The following ODAD1 variants were observed in gnomAD, a reference collection of about 807,000 sequenced individuals.
ODAD1 encodes outer dynein arm docking complex subunit 1.
Under a neutral mutation model 67.2 loss-of-function variants are expected in ODAD1, and 49 were observed. The ratio of observed to expected loss-of-function variants is 0.73; its 90% CI spans 0.58 to 0.92. The LOEUF (loss-of-function observed/expected upper bound fraction) is 0.92, where lower values mean the gene tolerates loss of function less well. Ranked by LOEUF, ODAD1 falls within the 40% of genes least tolerant of loss-of-function variation. ODAD1 has a pLI of 0.00. For missense variants in ODAD1, 897 were observed against 953.7 expected, an observed-to-expected ratio of 0.94 and a Z score of 0.78; for synonymous variants, 345 against 393.7, an observed-to-expected ratio of 0.88 and a Z score of 1.46.
At chr19:48,318,125 G>A (rs1968947835) in intron 5 of ODAD1, among the ~76,000 whole-genome samples, 1 of 152,112 alleles carries the variant, frequency 6.6e-6, no homozygotes, top group Non-Finnish European at 1.5e-5. Flanking sequence ...TCGAGTAGCT[G>A]GGATTACAGG....
intron 12 of ODAD1, among the ~76,000 whole-genome samples, chr19:48,302,178 C>T (rs1968481828): frequency 6.9e-6 from 1 of 144,884 alleles, no homozygotes; most frequent in East Asian, 2.1e-4. Context: ...AGATATAGAA[C>T]AGATGAAGGA....
intron 12 of ODAD1, 39 bp from the exon 13 acceptor site, chr19:48,298,379 G>A (rs182947158): frequency 3.4e-5 from 55 of 1,601,200 alleles, no homozygotes; most frequent in East Asian, 1.8e-4. Flanking sequence ...ATCTGGCACC[G>A]CCAGCTGGGT....
intron 7 of ODAD1, among the ~76,000 whole-genome samples, chr19:48,309,852 C>T (rs1968711357): frequency 6.6e-6 from 1 of 152,200 alleles, no homozygotes; most frequent in Admixed American, 6.6e-5. Context: ...ACATCAGGTG[C>T]CTCCTGAGAT....
intron 5 of ODAD1, among the ~76,000 whole-genome samples, chr19:48,315,296 G>A (rs1357344828): frequency 6.6e-6 from 1 of 152,144 alleles, no homozygotes; most frequent in Non-Finnish European, 1.5e-5. Context: ...TGTAATCCCA[G>A]CACTTTGGGA....
intron 12 of ODAD1, chr19:48,301,066 A>C (rs901471310): frequency 6.6e-6 from 1 of 152,648 alleles, no homozygotes; most frequent in Admixed American, 6.5e-5. Flanking sequence ...CGGAGGTTGC[A>C]GTGAGCCGAG....
intron 5 of ODAD1, among the ~76,000 whole-genome samples, chr19:48,313,426 CAAA>C (rs568077350): frequency 6.7e-5 from 2 of 30,036 alleles, no homozygotes; most frequent in Non-Finnish European, 1.3e-4. Flanking sequence ...GACTCCATCT[CAAA>C]AAAAAAAAAA....
intron 7 of ODAD1, among the ~76,000 whole-genome samples, chr19:48,307,109 G>A (rs7258425): frequency 0.2 from 30,529 of 151,852 alleles, 3,237 homozygotes; most frequent in African/African-American, 0.24. Flanking sequence ...GCTTGAATCC[G>A]GGAGGCGGAG....
At chr19:48,301,424 GT>G (rs1160452852) in intron 12 of ODAD1, among the ~76,000 whole-genome samples, 1 of 151,686 alleles carries the variant, frequency 6.6e-6, no homozygotes, top group Non-Finnish European at 1.5e-5. Context: ...GTTTTTTAGT[GT>G]TTTGTGAAAC....
chr19:48,308,308 G>C (rs373563910), intron 7 of ODAD1, among the ~76,000 whole-genome samples: 3 of 151,966 alleles, frequency 2.0e-5, no homozygotes, highest in African/African-American at 7.3e-5. Flanking sequence ...CCAAGTAGCT[G>C]GGATTACAGG....
intron 7 of ODAD1, among the ~76,000 whole-genome samples, chr19:48,309,898 A>G (rs940914269): frequency 3.3e-5 from 5 of 152,192 alleles, no homozygotes; most frequent in Admixed American, 6.5e-5. Flanking sequence ...CTGCTGTGAC[A>G]TTCCCCCCAA....
At chr19:48,316,365 G>A (rs1968897907) in intron 5 of ODAD1, among the ~76,000 whole-genome samples, 1 of 150,528 alleles carries the variant, frequency 6.6e-6, no homozygotes, top group Non-Finnish European at 1.5e-5. Context: ...GGGTGACAGA[G>A]CGAGACTTCG....
At chr19:48,306,442 G>A in intron 7 of ODAD1, 119 bp from the exon 8 acceptor site, 1 of 788,390 alleles carries the variant, frequency 1.3e-6, no homozygotes, top group Non-Finnish European at 2.1e-6. Context: ...TCCAAATGTG[G>A]ACCCTCCTCA....
chr19:48,316,766 G>A lies in ODAD1; in HGVS notation c.360+1621C>T, dbSNP rs184415393. ...TAACCCCAGCACTTTGGGAGGCCAC[G>A]GTGAGTGGATCACCTGAGGCCACGA... On this transcript the variant is annotated intron_variant, in intron 5 of 15. Transcript: ENST00000674294. Among the ~76,000 whole-genome samples, 432 of 152,270 alleles carry A rather than the reference G, an allele frequency of 2.8e-3. 1 individual carries two copies. The highest frequency in any genetic ancestry group is 4.7e-3 in the Non-Finnish European group (318 of 68,018).
At chr19:48,311,515 G>T in intron 7 of ODAD1, 38 bp downstream of exon 7, 2 of 1,204,586 alleles carry the variant, frequency 1.7e-6, no homozygotes, top group Non-Finnish European at 2.4e-6. Flanking sequence ...CCTGCGCAGG[G>T]GTCCCTGTCT....
Position 48,297,424 on chromosome 19 carries a change from C to G in ODAD1, c.1676G>C (p.Ser559Thr). Reference protein sequence around the residue: ...LDGTLSVDLASTQRAGSSTVL... With the variant: ...LDGTLSVDLATTQRAGSSTVL... ...GGTACTGGAGCCGGCCCTCTGGGTG[C>G]TGGCCAGGTCCACGCTCAGGGTGCC... The change falls in exon 16 of 16, where the codon AGC (serine) becomes ACC (threonine). Residue 559 changes from serine to threonine, a missense_variant. Ser to Thr is a moderately conservative substitution (Grantham distance 58). Coordinates refer to ENST00000674294, the MANE Select transcript of ODAD1 (RefSeq NM_001364171.2). 6.2e-7 allele frequency: 1 copy of G among 1,604,380 alleles called. No individual in the cohort carries two copies.
intron 3 of ODAD1, 35 bp downstream of exon 3, chr19:48,320,264 G>C: frequency 2.5e-6 from 3 of 1,200,912 alleles, no homozygotes; most frequent in Non-Finnish European, 3.3e-6. Flanking sequence ...GGCTGGAAAA[G>C]AATGGGTGAA....
chr19:48,311,628 C>T lies in ODAD1; in HGVS notation c.522G>A (p.Ala174=), dbSNP rs200360777. ...GCAGATCCAGCTCCTCCCGCAGGGCCGCATTCCGTACCAGCTGGTTGTCAA... is the reference window on the plus strand; with the variant it reads ...GCAGATCCAGCTCCTCCCGCAGGGCTGCATTCCGTACCAGCTGGTTGTCAA... ...CHFDNQLVRN[A]ALREELDLLR... The change falls in exon 7 of 16, where the codon GCG becomes GCA. Residue 174 remains alanine, a synonymous_variant. Coordinates refer to ENST00000674294, the MANE Select transcript of ODAD1 (RefSeq NM_001364171.2). The T allele has an allele frequency of 9.3e-4, 1,440 of 1,551,164 alleles. 1 individual carries two copies. Among genetic ancestry groups the T allele is most frequent in the Non-Finnish European group, 1.0e-3 (1,203 of 1,146,582 alleles).
intron 8 of ODAD1, among the ~76,000 whole-genome samples, chr19:48,305,403 T>C (rs1205661695): frequency 7.2e-6 from 1 of 138,254 alleles, no homozygotes; most frequent in Non-Finnish European, 1.6e-5. Context: ...CTAGATGCGC[T>C]TTTTTTTTTT....
intron 1 of ODAD1, 33 bp downstream of exon 1, chr19:48,321,645 C>G: frequency 2.6e-6 from 1 of 384,134 alleles, no homozygotes; most frequent in Non-Finnish European, 4.6e-6. Flanking sequence ...CGAAATGGTC[C>G]TGGGGAGGTC....
Sources: gnomAD v4.1 joint callset for allele counts (sites outside exome capture counted in the v4.1 genomes callset) on GRCh38, gnomAD v4.1.1 for gene constraint, MANE v1.5 for transcripts, NCBI Gene and HGNC (gene_info 2026-07-23, HGNC 2026-07-21) for gene names.